The following RPAP1 variants were observed in gnomAD, a reference collection of about 807,000 sequenced individuals.
The protein encoded by RPAP1 is RNA polymerase II associated protein 1.
In RPAP1, 109 loss-of-function variants were observed where a neutral mutation model predicts 142.4. The ratio of observed to expected loss-of-function variants is 0.77; its 90% confidence interval spans 0.66 to 0.90. The LOEUF is 0.90. Among genes scored for constraint, RPAP1 ranks in the 40% least tolerant of loss-of-function variants. The pLI, the probability that RPAP1 is intolerant of heterozygous loss-of-function variation, is 0.00. For synonymous variants in RPAP1, 704 were observed against 738.9 expected (o/e 0.95, Z 0.77); for missense variants, 1,546 against 1,751.7 (o/e 0.88, Z 2.10).
chr15:41,524,965 G>C (rs760911994), intron 15 of RPAP1, 26 bp downstream of exon 15: 1 of 1,609,794 alleles, frequency 6.2e-7, no homozygotes, highest in Non-Finnish European at 8.5e-7. Flanking sequence ...GTGTCTAGGG[G>C]GAGCCTACCC....
intron 18 of RPAP1, 41 bp from the exon 19 acceptor site, chr15:41,523,001 G>C (rs1421010602): frequency 6.8e-7 from 1 of 1,474,560 alleles, no homozygotes; most frequent in African/African-American, 1.4e-5. Context: ...CTCTGGCCTG[G>C]CGTGTGCCAA....
rs747271925 is a variant in RPAP1, at chr15:41,522,091, G to C, written c.2895+7C>G. ...GACAGGAGAACCTGTCAGACAGGGGGACCTACCGCTTTCTGGGCCAGAGCG... is the reference window on the plus strand; with the variant it reads ...GACAGGAGAACCTGTCAGACAGGGGCACCTACCGCTTTCTGGGCCAGAGCG... On this transcript the variant is annotated splice_region_variant and intron_variant, in intron 20 of 24. Coordinates refer to ENST00000304330, the MANE Select transcript of RPAP1 (RefSeq NM_015540.4). 1.1e-5 allele frequency: 17 copies of C among 1,612,584 alleles called. No homozygotes were observed. The African/African-American group carries it at 2.3e-4, about 22-fold the overall frequency.
At chr15:41,529,736 G>A (rs910614975) in intron 8 of RPAP1, 128 bp downstream of exon 8, 7 of 847,638 alleles carry the variant, frequency 8.3e-6, no homozygotes, top group Non-Finnish European at 1.3e-5. Flanking sequence ...GTAAAGGTGG[G>A]TGAGAGCAAA....
intron 1 of RPAP1, among the ~76,000 whole-genome samples, chr15:41,538,673 A>G (rs2051939608): frequency 6.6e-6 from 1 of 152,250 alleles, no homozygotes. Context: ...AGATTTATAT[A>G]GATAGTATGA....
At chr15:41,523,174 A>G (rs2051748570) in intron 18 of RPAP1, 71 bp downstream of exon 18, 3 of 1,169,088 alleles carry the variant, frequency 2.6e-6, no homozygotes, top group Admixed American at 4.5e-5. Context: ...TGGGAGCTGG[A>G]CCCAGGAATC....
chr15:41,531,329 G>C, intron 6 of RPAP1, 127 bp from the exon 7 acceptor site: 1 of 928,072 alleles, frequency 1.1e-6, no homozygotes, highest in East Asian at 2.5e-5. Flanking sequence ...TCCGAGCCTG[G>C]GCCTGAGCCT....
chr15:41,527,013 C>G lies in RPAP1; in HGVS notation c.1802G>C (p.Ser601Thr). The change falls in exon 14 of 25, where the codon AGT becomes ACT. Residue 601 changes from serine (S) to threonine (T), a missense_variant. Around this residue, in one of 3 missense-constraint regions of RPAP1, gnomAD observed 1,333 missense variants for 1,486.6 expected, o/e 0.90. Coordinates refer to ENST00000304330, the MANE Select transcript of RPAP1 (RefSeq NM_015540.4). ...AGGCCCTGCCCCCACAGGAGACCAA[C>G]TGGTGGGCAAGAACTCTCGAACTAT... ...ETIVREFLPT[S>T]WSPVGAGPTP... is the part of the protein sequence containing the mutation. The G allele has an allele frequency of 1.2e-6, 2 of 1,614,214 alleles. No individual in the cohort carries two copies. Among genetic ancestry groups the G allele is most frequent in the Non-Finnish European group, 1.7e-6 (2 of 1,180,032 alleles).
intron 9 of RPAP1, 87 bp from the exon 10 acceptor site, chr15:41,528,423 G>C (rs2051817244): frequency 1.1e-5 from 10 of 931,898 alleles, no homozygotes; most frequent in South Asian, 1.0e-4. Context: ...GAAAGACAAA[G>C]ATAAATAAGT....
At chr15:41,536,098 C>T in intron 4 of RPAP1, 31 bp downstream of exon 4, 3 of 1,570,652 alleles carry the variant, frequency 1.9e-6, no homozygotes, top group Non-Finnish European at 2.6e-6. Context: ...TGTCTGTCTC[C>T]TGAGCACCAC....
intron 19 of RPAP1, 26 bp downstream of exon 19, chr15:41,522,739 C>T: frequency 7.2e-7 from 1 of 1,382,078 alleles, no homozygotes; most frequent in Admixed American, 2.8e-5. Flanking sequence ...CCTTGCCTGG[C>T]CCCTAATCAG....
At position 41,517,649 on chromosome 15, in the gene RPAP1, T is replaced by C. The variant is rs764724724; in HGVS notation, c.4075A>G (p.Thr1359Ala). The C allele has an allele frequency of 1.2e-6, 2 of 1,612,480 alleles. No individual in the cohort carries two copies. Residue 1359 changes from threonine (T) to alanine (A), a missense_variant, in exon 25 of 25, where the codon ACG becomes GCG. Physicochemically the swap from Thr to Ala is moderately conservative, Grantham distance 58 (BLOSUM62 0). Transcript: ENST00000304330. ...HLLHYKLPNS[T>A]LPEGFELYSQ... is the part of the protein sequence containing the mutation. ...TAGAGCTCAAAGCCCTCTGGGAGCG[T>C]GGAATTGGGAAGCTTATAGTGCAGG... is the stretch of plus-strand genomic sequence containing the variant.
At position 41,517,380 on chromosome 15, in the gene RPAP1, C is replaced by CT. The variant is rs2051675294; in HGVS notation, c.*161dup. The CT allele has an allele frequency of 1.7e-6, 1 of 601,330 alleles. No homozygotes were observed. Among genetic ancestry groups the CT allele is most frequent in the Non-Finnish European group, 2.8e-6 (1 of 354,018 alleles). 37.2% of individuals were successfully genotyped at this position (601,330 alleles called of 1,614,324 possible). ...TATCAGGATGTAATGGTAGGGCTCACTGCTCTAAAACAGCTCAAACAACCT... is the reference window on the plus strand; with the variant it reads ...TATCAGGATGTAATGGTAGGGCTCACTTGCTCTAAAACAGCTCAAACAACCT... On this transcript the variant is annotated 3_prime_UTR_variant, in exon 25 of 25. Coordinates refer to ENST00000304330, the MANE Select transcript of RPAP1 (RefSeq NM_015540.4).
intron 1 of RPAP1, among the ~76,000 whole-genome samples, chr15:41,543,233 G>A (rs1439665542): frequency 9.8e-6 from 1 of 102,188 alleles, no homozygotes; most frequent in Non-Finnish European, 1.8e-5. Context: ...TTTTGAGACA[G>A]ATTCTCCCTC....
intron 9 of RPAP1, among the ~76,000 whole-genome samples, chr15:41,528,553 C>T (rs1044569885): frequency 1.3e-5 from 2 of 152,060 alleles, no homozygotes; most frequent in Admixed American, 6.6e-5. Context: ...TTGCGACCGG[C>T]GGACAGGAGA....
intron 1 of RPAP1, among the ~76,000 whole-genome samples, chr15:41,538,344 G>C (rs1024115584): frequency 1.3e-5 from 2 of 152,128 alleles, no homozygotes; most frequent in African/African-American, 4.8e-5. Flanking sequence ...TCAAACTCCT[G>C]GGCTTGGGTG....
At chr15:41,526,831 C>A in intron 14 of RPAP1, 67 bp downstream of exon 14, 1 of 1,467,796 alleles carries the variant, frequency 6.8e-7, no homozygotes, top group Admixed American at 2.2e-5. Context: ...GTTCAGGAGC[C>A]ATGTTTAGCT....
intron 19 of RPAP1, 32 bp downstream of exon 19, chr15:41,522,733 G>A (rs868092756): frequency 2.5e-6 from 3 of 1,181,738 alleles, no homozygotes; most frequent in African/African-American, 3.4e-5. Context: ...TTGGCCCCTT[G>A]CCTGGCCCCT....
At chr15:41,522,338 G>T in intron 19 of RPAP1, 88 bp from the exon 20 acceptor site, 1 of 1,292,642 alleles carries the variant, frequency 7.7e-7, no homozygotes, top group Non-Finnish European at 1.1e-6. Context: ...CCAGACTCAG[G>T]GAAATGAGTG....
chr15:41,540,975 ACCT>A (rs1263328265), intron 1 of RPAP1, among the ~76,000 whole-genome samples: 2 of 151,774 alleles, frequency 1.3e-5, no homozygotes, highest in African/African-American at 4.8e-5. Flanking sequence ...TCATCATCAA[ACCT>A]CCTCCCCTAG....
Sources: gnomAD v4.1 joint callset for allele counts (sites outside exome capture counted in the v4.1 genomes callset) on GRCh38, gnomAD v4.1.1 for gene constraint, gnomAD v4.1.1 regional missense constraint, MANE v1.5 for transcripts, NCBI Gene and HGNC (gene_info 2026-07-23, HGNC 2026-07-21) for gene names.